Variants in ZNF90 observed in about 807,000 individuals in gnomAD.
ZNF90 encodes zinc finger protein 90.
Under a neutral mutation model 12.0 loss-of-function variants are expected in ZNF90, and 11 were observed. The observed-to-expected ratio is 0.92, with a 90% CI of 0.58 to 1.52. ZNF90 has a LOEUF of 1.52. Ranked by LOEUF, ZNF90 falls within the 40% of genes most tolerant of loss-of-function variation. ZNF90 has a pLI of 0.00. For synonymous variants in ZNF90, 232 were observed against 240.1 expected, an observed-to-expected ratio of 0.97 and a Z score of 0.31; for missense variants, 765 against 711.5, an observed-to-expected ratio of 1.08 and a Z score of -0.86.
chr19:20,095,921 G>A (rs887004114), intron 1 of ZNF90, among the ~76,000 whole-genome samples: 1 of 152,230 alleles, frequency 6.6e-6, no homozygotes, highest in Non-Finnish European at 1.5e-5. Context: ...TCCCTGTGTG[G>A]TCTGACACCC....
chr19:20,085,753 T>C lies in ZNF90; in HGVS notation c.3+7618T>C, dbSNP rs567144423. On this transcript the variant is annotated intron_variant, in intron 1 of 3. Transcript: ENST00000418063. ...GTAAGGAATTTAGATTATATGTAGA[T>C]ATTTTTCTTTGTTTTATTGAAATAT... 2.0e-5 allele frequency among the ~76,000 whole-genome samples: 3 copies of C among 152,352 alleles called. No homozygotes were observed. The East Asian group carries it at 5.8e-4, about 29-fold the overall frequency.
intron 1 of ZNF90, among the ~76,000 whole-genome samples, chr19:20,089,788 G>A (rs1466125708): frequency 5.9e-5 from 9 of 152,156 alleles, no homozygotes; most frequent in African/African-American, 9.7e-5. Flanking sequence ...GGGAGACGGG[G>A]GGTGTTGCCC....
At position 20,118,445 on chromosome 19, in the gene ZNF90, C is replaced by T. The variant is rs1446104411; in HGVS notation, c.891C>T (p.Ser297=). Residue 297 remains serine (S), a synonymous_variant, in exon 4 of 4, where the codon TCC becomes TCT. Transcript: ENST00000418063. ...AATGTGGCAGAGCATTTATTTCATC[C>T]TCGATCCTTTATGTACATAAGATAA... ...CDKCGRAFIS[S]SILYVHKISH... 3 of 1,612,292 alleles carry T rather than the reference C, an allele frequency of 1.9e-6. No individual in the cohort carries two copies. Among genetic ancestry groups the T allele is most frequent in the South Asian group, 1.1e-5 (1 of 90,888 alleles).
At chr19:20,114,271 A>T (rs1487866420) in intron 3 of ZNF90, among the ~76,000 whole-genome samples, 1 of 152,168 alleles carries the variant, frequency 6.6e-6, no homozygotes, top group African/African-American at 2.4e-5. Context: ...AGCCTGGGAG[A>T]CAGAATGAGA....
chr19:20,114,530 T>C (rs1459040505), intron 3 of ZNF90, among the ~76,000 whole-genome samples: 6 of 152,318 alleles, frequency 3.9e-5, no homozygotes, highest in African/African-American at 1.4e-4. Flanking sequence ...ATGTCATCAA[T>C]ATTTATCTTA....
chr19:20,106,214 AATTTACTGAGT>A (rs1437601338), intron 3 of ZNF90, among the ~76,000 whole-genome samples: 10 of 151,804 alleles, frequency 6.6e-5, no homozygotes, highest in Non-Finnish European at 1.0e-4. Context: ...ATGTTTTGCT[AATTTACTGAGT>A]ATTTATTATT....
In ZNF90 at chr19:20,107,008, G is replaced by A. The variant is rs529526429; in HGVS notation, c.226+1692G>A. 2.4e-5 allele frequency: 11 copies of A among 454,496 alleles called. No individual in the cohort carries two copies. In the East Asian group the frequency reaches 3.5e-4, roughly 14 times the overall value. The allele number at this position is 454,496 out of a possible 1,614,324, so 28.2% of individuals were successfully genotyped here. A position where few individuals can be genotyped will look rare whatever the true frequency, so the allele number is the denominator to read the frequency against. The stretch of plus-strand genomic sequence containing the variant: ...GACACTAGGGCATGTTTTTGCAGTC[G>A]GGTCTGCATATGGTGGGCCTTGTAT... On this transcript the variant is annotated intron_variant, in intron 3 of 3. Coordinates refer to ENST00000418063, the MANE Select transcript of ZNF90 (RefSeq NM_007138.2).
chr19:20,113,148 T>G (rs902183133), intron 3 of ZNF90, among the ~76,000 whole-genome samples: 17 of 152,168 alleles, frequency 1.1e-4, no homozygotes, highest in African/African-American at 4.1e-4. Flanking sequence ...CTTGTGTGTT[T>G]GTTGTGTAGG....
intron 3 of ZNF90, among the ~76,000 whole-genome samples, chr19:20,115,338 GA>G (rs1211733609): frequency 6.6e-6 from 1 of 150,890 alleles, no homozygotes; most frequent in African/African-American, 2.4e-5. Flanking sequence ...ATAGTTTTCT[GA>G]AAGAGAAAAG....
At chr19:20,108,865 T>A (rs1025407517) in intron 3 of ZNF90, among the ~76,000 whole-genome samples, 1 of 151,066 alleles carries the variant, frequency 6.6e-6, no homozygotes, top group South Asian at 2.1e-4. Context: ...TAGCTGGGAC[T>A]ACAGGCGTGC....
chr19:20,105,151 C>A (rs1438003202), intron 2 of ZNF90, 70 bp from the exon 3 acceptor site: 2 of 1,203,858 alleles, frequency 1.7e-6, no homozygotes, highest in East Asian at 5.4e-5. Flanking sequence ...ATCTTCTCTG[C>A]TGAGCACAGT....
intron 3 of ZNF90, among the ~76,000 whole-genome samples, chr19:20,116,001 G>A (rs2089133851): frequency 6.6e-6 from 1 of 152,072 alleles, no homozygotes; most frequent in South Asian, 2.1e-4. Context: ...AGTCTCCTGA[G>A]TAGCTGGGTA....
intron 3 of ZNF90, among the ~76,000 whole-genome samples, chr19:20,116,996 GA>G (rs2089142250): frequency 1.6e-5 from 2 of 128,518 alleles, no homozygotes; most frequent in African/African-American, 7.6e-5. Flanking sequence ...AAAAAAAAAA[GA>G]ATTGGCAACT....
chr19:20,086,222 A>ATTTTC (rs2088858073), intron 1 of ZNF90, among the ~76,000 whole-genome samples: 1 of 118,226 alleles, frequency 8.5e-6, no homozygotes, highest in Non-Finnish European at 1.8e-5. Context: ...ATTAAACAGT[A>ATTTTC]TTTTCTTTTC....
intron 1 of ZNF90, among the ~76,000 whole-genome samples, chr19:20,082,566 G>A (rs2088828186): frequency 6.6e-6 from 1 of 152,152 alleles, no homozygotes; most frequent in African/African-American, 2.4e-5. Context: ...AATGCTTGAA[G>A]GCAGCATGCT....
chr19:20,109,132 C>G (rs2089064829), intron 3 of ZNF90, among the ~76,000 whole-genome samples: 1 of 152,128 alleles, frequency 6.6e-6, no homozygotes, highest in South Asian at 2.1e-4. Flanking sequence ...TGAGGTTTAG[C>G]TAAGAGATAA....
intron 3 of ZNF90, among the ~76,000 whole-genome samples, chr19:20,110,089 T>C (rs1373098806): frequency 1.3e-5 from 2 of 152,208 alleles, no homozygotes; most frequent in Non-Finnish European, 2.9e-5. Flanking sequence ...ATATTCTCAA[T>C]GTTCATCTTA....
At chr19:20,082,351 AAG>A (rs778109252) in intron 1 of ZNF90, among the ~76,000 whole-genome samples, 72 of 152,312 alleles carry the variant, frequency 4.7e-4, no homozygotes, top group Admixed American at 7.2e-4. Flanking sequence ...TTGTGGGGAA[AAG>A]AGAGATCAGA....
At chr19:20,095,655 G>C (rs1013444537) in intron 1 of ZNF90, among the ~76,000 whole-genome samples, 1 of 151,954 alleles carries the variant, frequency 6.6e-6, no homozygotes, top group Non-Finnish European at 1.5e-5. Context: ...AGAGGTTGGG[G>C]TGCAGAAATA....
Sources: gnomAD v4.1 joint callset for allele counts (sites outside exome capture counted in the v4.1 genomes callset) on GRCh38, gnomAD v4.1.1 for gene constraint, MANE v1.5 for transcripts, NCBI Gene and HGNC (gene_info 2026-07-23, HGNC 2026-07-21) for gene names.